ITSN2: variants seen among roughly 807,000 people sequenced by gnomAD.
ITSN2 encodes the protein intersectin 2.
A neutral mutation model predicts 243.7 loss-of-function variants in ITSN2; 156 were observed. The ratio of observed to expected loss-of-function variants is 0.64; its 90% CI spans 0.56 to 0.73. The LOEUF (loss-of-function observed/expected upper bound fraction) is 0.73, where lower values mean the gene tolerates loss of function less well. ITSN2 is among the 30% of genes least tolerant of loss of function. The pLI is 0.00. For missense variants in ITSN2, 1,801 were observed against 1,996.1 expected, an observed-to-expected ratio of 0.90 and a Z score of 1.86; for synonymous variants, 703 against 699.9, an observed-to-expected ratio of 1.00 and a Z score of -0.07.
chr2:24,273,015 C>G (rs1235086211), intron 18 of ITSN2, among the ~76,000 whole-genome samples: 1 of 152,190 alleles, frequency 6.6e-6, no homozygotes, highest in African/African-American at 2.4e-5. Context: ...ACTATCAGGG[C>G]AGTGAAGATT....
Position 24,258,077 on chromosome 2 carries a change from T to C in ITSN2, c.2699A>G (p.Asn900Ser), listed in dbSNP as rs1219077875. ...PIHGQGQVVE[N>S]LKAQALCSWT... Reference sequence around the variant, plus strand: ...GGAACAAAGGGCCTGTGCTTTTAAGTTTTCTACCACTTGTCCCTATGAATA... The same window carrying C: ...GGAACAAAGGGCCTGTGCTTTTAAGCTTTCTACCACTTGTCCCTATGAATA... The change falls in exon 23 of 40, where the codon AAC becomes AGC. Residue 900 changes from asparagine to serine, a missense_variant. Physicochemically the swap from Asn to Ser is conservative, Grantham distance 46. Transcript: ENST00000355123. 2 of 1,613,802 alleles carry C rather than the reference T, an allele frequency of 1.2e-6. No homozygotes were observed. The highest frequency in any genetic ancestry group is 1.7e-6 in the Non-Finnish European group (2 of 1,179,874).
rs771857383 is a variant in ITSN2, at chr2:24,301,142, A to G, written c.1081+12T>C. ...CTCAGTATAAATATACAACTTTGAC[A>G]CTCAGTGATACCTGGTAATTTCTTC... On this transcript the variant is annotated intron_variant, in intron 11 of 39. Coordinates refer to ENST00000355123, the MANE Select transcript of ITSN2 (RefSeq NM_006277.3). The G allele has an allele frequency of 1.4e-6, 2 of 1,475,874 alleles. No individual in the cohort carries two copies. Among genetic ancestry groups the G allele is most frequent in the South Asian group, 2.4e-5 (2 of 84,064 alleles). 91.4% of individuals were successfully genotyped at this position (1,475,874 alleles called of 1,614,324 possible).
At chr2:24,240,837 T>C (rs1409352557) in intron 29 of ITSN2, 1 of 152,250 alleles carries the variant, frequency 6.6e-6, no homozygotes, top group African/African-American at 2.4e-5. Context: ...GATTTTCAAA[T>C]ATAGTATAAT....
At chr2:24,207,224 G>A (rs1668985537) in intron 37 of ITSN2, among the ~76,000 whole-genome samples, 1 of 152,198 alleles carries the variant, frequency 6.6e-6, no homozygotes, top group Non-Finnish European at 1.5e-5. Context: ...GCCTTGTGCT[G>A]CAGCCTGGGT....
chr2:24,350,084 G>T (rs1269023427), intron 1 of ITSN2, among the ~76,000 whole-genome samples: 4 of 152,148 alleles, frequency 2.6e-5, no homozygotes, highest in Non-Finnish European at 4.4e-5. Flanking sequence ...CTAAATTTCA[G>T]TAATCCTTAG....
chr2:24,226,530 C>T (rs1374041620), intron 29 of ITSN2, among the ~76,000 whole-genome samples: 1 of 152,192 alleles, frequency 6.6e-6, no homozygotes, highest in African/African-American at 2.4e-5. Flanking sequence ...GTGGCTCACA[C>T]CTGTAATCCA....
chr2:24,205,087 C>T (rs1186800555), intron 38 of ITSN2, 127 bp downstream of exon 38: 1 of 686,250 alleles, frequency 1.5e-6, no homozygotes, highest in Non-Finnish European at 2.6e-6. Flanking sequence ...GCAGAGGTTG[C>T]AGTGAGCCAA....
intron 1 of ITSN2, among the ~76,000 whole-genome samples, chr2:24,337,339 T>TATATATATATAC (rs1574362875): frequency 3.5e-5 from 4 of 113,278 alleles, no homozygotes; most frequent in Admixed American, 9.5e-5. Context: ...TATATATATA[T>TATATATATATAC]ATATATATAT....
At chr2:24,300,667 C>T (rs916210373) in intron 11 of ITSN2, among the ~76,000 whole-genome samples, 6 of 151,304 alleles carry the variant, frequency 4.0e-5, no homozygotes, top group South Asian at 2.1e-4. Flanking sequence ...TGCAGTGAGC[C>T]GGGATTGTGC....
chr2:24,342,943 C>G (rs540690133), intron 1 of ITSN2, among the ~76,000 whole-genome samples: 1 of 151,878 alleles, frequency 6.6e-6, no homozygotes, highest in South Asian at 2.1e-4. Context: ...TAAAAAAAAT[C>G]AGCCAGGCGA....
intron 18 of ITSN2, among the ~76,000 whole-genome samples, chr2:24,272,264 A>T (rs925824465): frequency 6.6e-6 from 1 of 152,190 alleles, no homozygotes; most frequent in Admixed American, 6.5e-5. Context: ...CATTCAGCAA[A>T]TAAATCTAAA....
At chr2:24,217,363 A>C (rs1048383608) in intron 31 of ITSN2, among the ~76,000 whole-genome samples, 1 of 152,236 alleles carries the variant, frequency 6.6e-6, no homozygotes, top group Non-Finnish European at 1.5e-5. Flanking sequence ...GGTTGAACCA[A>C]GAAGGAAATT....
chr2:24,236,721 G>A (rs1285223730), intron 29 of ITSN2, among the ~76,000 whole-genome samples: 1 of 147,412 alleles, frequency 6.8e-6, no homozygotes, highest in East Asian at 2.0e-4. Flanking sequence ...TCAGGCTGGA[G>A]TGCAGTGGTG....
At chr2:24,333,533 T>C (rs1434932464) in intron 1 of ITSN2, among the ~76,000 whole-genome samples, 1 of 152,258 alleles carries the variant, frequency 6.6e-6, no homozygotes, top group African/African-American at 2.4e-5. Flanking sequence ...GCAGTCATCA[T>C]GTATTTTGAA....
rs1325964636 is a variant in ITSN2 at position 24,310,261 on chromosome 2, TTG to T, written c.653+21_653+22del. The T allele has an allele frequency of 5.5e-6, 8 of 1,443,324 alleles. No homozygotes were observed. In the South Asian group the frequency reaches 9.7e-5, roughly 17 times the overall value. The allele number at this position is 1,443,324 out of a possible 1,614,324, so 89.4% of individuals were successfully genotyped here. ...GACTTCTTACTGAAAGCATAAAAAG[TTG>T]TCAGAGTTAGCTATTCATACCTACT... On this transcript the variant is annotated intron_variant, in intron 7 of 39. Coordinates refer to ENST00000355123, the MANE Select transcript of ITSN2 (RefSeq NM_006277.3).
chr2:24,278,310 T>G (rs1462433987), intron 17 of ITSN2, among the ~76,000 whole-genome samples: 2 of 152,226 alleles, frequency 1.3e-5, no homozygotes, highest in Non-Finnish European at 1.5e-5. Context: ...AACTATATGA[T>G]TGCCTCCTCC....
chr2:24,293,080 C>A (rs937179507), intron 15 of ITSN2, among the ~76,000 whole-genome samples: 1 of 152,112 alleles, frequency 6.6e-6, no homozygotes, highest in East Asian at 1.9e-4. Context: ...GTATCCAATA[C>A]AGAGAATTTT....
chr2:24,221,331 G>A (rs1044223502), intron 29 of ITSN2: 1 of 379,620 alleles, frequency 2.6e-6, no homozygotes, highest in South Asian at 3.3e-5. Flanking sequence ...ACTGTGCAGA[G>A]CGTGTGAAGA....
chr2:24,311,238 C>T (rs1370902694), intron 5 of ITSN2, among the ~76,000 whole-genome samples: 2 of 152,170 alleles, frequency 1.3e-5, no homozygotes, highest in Admixed American at 6.5e-5. Flanking sequence ...CCTATGAATT[C>T]AAGGACGAGT....
Sources: allele counts gnomAD v4.1 joint callset (sites outside exome capture counted in the v4.1 genomes callset), GRCh38; gene constraint gnomAD v4.1.1; transcripts MANE v1.5; gene names NCBI Gene and HGNC (gene_info 2026-07-23, HGNC 2026-07-21).